Variants in DOK6 observed in about 807,000 individuals in gnomAD.
DOK6 encodes docking protein 6.
DOK6 carries 22 observed loss-of-function variants against 44.0 expected under a neutral mutation model. That is an observed-to-expected ratio of 0.50 (90% CI 0.36 to 0.71). The LOEUF (loss-of-function observed/expected upper bound fraction) is 0.71. DOK6 is among the 30% of genes least tolerant of loss of function. DOK6 has a pLI of 0.00. For synonymous variants in DOK6, 166 were observed against 145.5 expected (o/e 1.14, Z -1.01); for missense variants, 340 against 416.4 (o/e 0.82, Z 1.60).
intron 2 of DOK6, among the ~76,000 whole-genome samples, chr18:69,593,463 A>G (rs891187926): frequency 1.3e-5 from 2 of 152,160 alleles, no homozygotes; most frequent in African/African-American, 4.8e-5. Flanking sequence ...TTCTTAGGGT[A>G]CATGCTGAAG....
chr18:69,714,664 G>A (rs553816188), intron 5 of DOK6, among the ~76,000 whole-genome samples: 9 of 151,880 alleles, frequency 5.9e-5, no homozygotes, highest in South Asian at 2.1e-4. Flanking sequence ...ACTAATAAAC[G>A]TTGCAAAGAG....
At position 69,497,025 on chromosome 18, in the gene DOK6, A is replaced by G. The variant is rs1404929149; in HGVS notation, c.67-67462A>G. On this transcript the variant is annotated intron_variant, in intron 1 of 7. Transcript: ENST00000382713. Reference sequence around the variant, plus strand: ...GTTCTAAGCATATTACTAATAAAATATTAATTATTAAAACGGCCTTATGAG... The same window carrying G: ...GTTCTAAGCATATTACTAATAAAATGTTAATTATTAAAACGGCCTTATGAG... 4.6e-5 allele frequency among the ~76,000 whole-genome samples: 7 copies of G among 152,352 alleles called. No homozygotes were observed. In the South Asian group the frequency reaches 6.2e-4, roughly 14 times the overall value.
chr18:69,401,110 CG>C lies in DOK6; in HGVS notation c.-131del. On this transcript the variant is annotated 5_prime_UTR_variant, in exon 1 of 8. Coordinates refer to ENST00000382713, the MANE Select transcript of DOK6 (RefSeq NM_152721.6). Reference sequence around the variant, plus strand: ...CCCCGCGTCCCCACCGGCGGGAGCTCGGGGAAGAGCGGGCGGCGGCGCTGCT... The same window carrying C: ...CCCCGCGTCCCCACCGGCGGGAGCTCGGGAAGAGCGGGCGGCGGCGCTGCT... The C allele has an allele frequency of 2.3e-6, 2 of 855,624 alleles. No homozygotes were observed. Among genetic ancestry groups the C allele is most frequent in the South Asian group, 3.6e-5 (1 of 28,040 alleles). The allele number at this position is 855,624 out of a possible 1,614,324, so 53.0% of individuals were successfully genotyped here. A position where few individuals can be genotyped will look rare whatever the true frequency, so the allele number is the denominator to read the frequency against.
At chr18:69,406,808 C>T (rs774873436) in intron 1 of DOK6, among the ~76,000 whole-genome samples, 2 of 152,120 alleles carry the variant, frequency 1.3e-5, no homozygotes, top group African/African-American at 4.8e-5. Context: ...AGGCTGGGTG[C>T]GGTGGCTCAC....
chr18:69,523,183 A>G lies in DOK6; in HGVS notation c.67-41304A>G, dbSNP rs181867826. 7.2e-5 allele frequency among the ~76,000 whole-genome samples: 11 copies of G among 152,238 alleles called. No homozygotes were observed. The East Asian group carries it at 2.1e-3, about 29-fold the overall frequency. On this transcript the variant is annotated intron_variant, in intron 1 of 7. Coordinates refer to ENST00000382713, the MANE Select transcript of DOK6 (RefSeq NM_152721.6). ...CATCCAAAGATTATCCAGGAAAGCCATATTTCTGAATATTGATTCAATAAA... is the reference window on the plus strand; with the variant it reads ...CATCCAAAGATTATCCAGGAAAGCCGTATTTCTGAATATTGATTCAATAAA...
intron 7 of DOK6, among the ~76,000 whole-genome samples, chr18:69,791,598 A>G (rs117797295): frequency 0.049 from 7,524 of 152,140 alleles, 254 homozygotes; most frequent in South Asian, 0.16. Flanking sequence ...TTAAAATCAG[A>G]TTACTAGATT....
At chr18:69,679,592 C>T (rs769823494) in intron 4 of DOK6, among the ~76,000 whole-genome samples, 7 of 152,130 alleles carry the variant, frequency 4.6e-5, no homozygotes, top group Admixed American at 1.3e-4. Context: ...GCTCTCCATT[C>T]ACAGTTTAAG....
chr18:69,455,822 C>G (rs1308335769), intron 1 of DOK6, among the ~76,000 whole-genome samples: 1 of 152,012 alleles, frequency 6.6e-6, no homozygotes, highest in East Asian at 1.9e-4. Flanking sequence ...ATTCAAAAAG[C>G]TAAATGATGG....
At chr18:69,430,529 A>G (rs1978774760) in intron 1 of DOK6, among the ~76,000 whole-genome samples, 1 of 152,218 alleles carries the variant, frequency 6.6e-6, no homozygotes, top group African/African-American at 2.4e-5. Context: ...CCGCTTCCTC[A>G]TTAGGATTAG....
At chr18:69,719,641 C>G (rs1342548861) in intron 5 of DOK6, among the ~76,000 whole-genome samples, 1 of 152,142 alleles carries the variant, frequency 6.6e-6, no homozygotes, top group South Asian at 2.1e-4. Context: ...ACTTTTAGTC[C>G]TCAAACAAAG....
chr18:69,793,534 T>C (rs1318425526), intron 7 of DOK6, among the ~76,000 whole-genome samples: 2 of 152,204 alleles, frequency 1.3e-5, no homozygotes, highest in African/African-American at 4.8e-5. Context: ...TTGACACCTA[T>C]ATCACAATCA....
intron 7 of DOK6, among the ~76,000 whole-genome samples, chr18:69,811,966 C>T (rs1391002007): frequency 6.6e-6 from 1 of 152,050 alleles, no homozygotes; most frequent in Non-Finnish European, 1.5e-5. Context: ...AGTCTGCCTT[C>T]ATGGAGATAT....
intron 7 of DOK6, among the ~76,000 whole-genome samples, chr18:69,812,422 A>G (rs1187135945): frequency 1.3e-5 from 2 of 152,156 alleles, no homozygotes; most frequent in African/African-American, 4.8e-5. Flanking sequence ...ACAAATTGCC[A>G]TGCAAAACTG....
chr18:69,414,332 C>G (rs947333994), intron 1 of DOK6, among the ~76,000 whole-genome samples: 2 of 151,906 alleles, frequency 1.3e-5, no homozygotes, highest in African/African-American at 4.8e-5. Context: ...GAAGATAAAC[C>G]AGATGTCCAT....
intron 1 of DOK6, among the ~76,000 whole-genome samples, chr18:69,462,839 T>C (rs1234862238): frequency 6.6e-6 from 1 of 152,200 alleles, no homozygotes; most frequent in Non-Finnish European, 1.5e-5. Flanking sequence ...CCGAAGTAAC[T>C]CAAGCCATTA....
At chr18:69,475,945 G>T (rs1980247945) in intron 1 of DOK6, among the ~76,000 whole-genome samples, 4 of 152,048 alleles carry the variant, frequency 2.6e-5, no homozygotes. Context: ...TGTTACGTGG[G>T]TATACTGTGT....
At chr18:69,766,137 G>A (rs1192123795) in intron 7 of DOK6, among the ~76,000 whole-genome samples, 1 of 152,178 alleles carries the variant, frequency 6.6e-6, no homozygotes, top group African/African-American at 2.4e-5. Context: ...TGTAGCTGGA[G>A]GCTATTAGCC....
At chr18:69,485,327 A>G (rs544213790) in intron 1 of DOK6, among the ~76,000 whole-genome samples, 5 of 152,116 alleles carry the variant, frequency 3.3e-5, no homozygotes, top group African/African-American at 4.8e-5. Context: ...TATATCATAT[A>G]TATGTATTTT....
At position 69,844,066 on chromosome 18, in the gene DOK6, A is replaced by G. The variant is rs911878525; in HGVS notation, c.*2683A>G. On this transcript the variant is annotated 3_prime_UTR_variant, in exon 8 of 8. Transcript: ENST00000382713. ...AGTCTCCTGGAACTTCATAAAATCAATTTCACTGGAGCAACCAGAAGGGTC... is the reference window on the plus strand; with the variant it reads ...AGTCTCCTGGAACTTCATAAAATCAGTTTCACTGGAGCAACCAGAAGGGTC... 5.3e-5 allele frequency: 8 copies of G among 152,148 alleles called. No individual in the cohort carries two copies. Among genetic ancestry groups the G allele is most frequent in the Admixed American group, 2.6e-4 (4 of 15,274 alleles). 9.4% of individuals were successfully genotyped at this position (152,148 alleles called of 1,614,324 possible).
Sources: gnomAD v4.1 joint callset for allele counts (sites outside exome capture counted in the v4.1 genomes callset) on GRCh38, gnomAD v4.1.1 for gene constraint, MANE v1.5 for transcripts, NCBI Gene and HGNC (gene_info 2026-07-23, HGNC 2026-07-21) for gene names.